FRAS1: variants seen among roughly 807,000 people sequenced by gnomAD.
FRAS1 encodes extracellular matrix organizing protein FRAS1.
A neutral mutation model predicts 435.2 loss-of-function variants in FRAS1; 290 were observed. The observed-to-expected ratio is 0.67, with a 90% CI of 0.61 to 0.73. The LOEUF is 0.73. Among genes scored for constraint, FRAS1 ranks in the 30% least tolerant of loss-of-function variants. The probability of loss-of-function intolerance (pLI) is 0.00; values close to 1 mark genes in which losing one functional copy is unlikely to be tolerated. For missense variants in FRAS1, 4,860 were observed against 5,001.5 expected (o/e 0.97, Z 0.85); for synonymous variants, 1,800 against 1,851.0 (o/e 0.97, Z 0.71).
In FRAS1 at chr4:78,085,129, G is replaced by A. The variant is rs567637002; in HGVS notation, c.108+19113G>A. Reference sequence around the variant, plus strand: ...TGTTTTTAGAATGTCTTTTGTCTAAGGATAGATAGTCAAATTTCTGTGTTT... The same window carrying A: ...TGTTTTTAGAATGTCTTTTGTCTAAAGATAGATAGTCAAATTTCTGTGTTT... On this transcript the variant is annotated intron_variant, in intron 2 of 73. Coordinates refer to ENST00000512123, the MANE Select transcript of FRAS1 (RefSeq NM_025074.7). Among the ~76,000 whole-genome samples the A allele has an allele frequency of 2.6e-5, 4 of 152,150 alleles. No homozygotes were observed. The East Asian group carries it at 7.7e-4, about 29-fold the overall frequency.
At chr4:78,325,330 C>T (rs1420409412) in intron 18 of FRAS1, among the ~76,000 whole-genome samples, 1 of 152,178 alleles carries the variant, frequency 6.6e-6, no homozygotes, top group Non-Finnish European at 1.5e-5. Flanking sequence ...AGAAATAAAG[C>T]ATGCTCTGTG....
intron 30 of FRAS1, among the ~76,000 whole-genome samples, chr4:78,407,121 T>C (rs1230480252): frequency 6.6e-6 from 1 of 152,230 alleles, no homozygotes; most frequent in Non-Finnish European, 1.5e-5. Flanking sequence ...TATGCAAATA[T>C]TCAAAAATAG....
At chr4:78,489,146 T>C in intron 59 of FRAS1, 66 bp downstream of exon 59, 2 of 1,461,890 alleles carry the variant, frequency 1.4e-6, no homozygotes, top group Non-Finnish European at 9.3e-7. Flanking sequence ...TGTAATGAAG[T>C]CATTTATATA....
intron 54 of FRAS1, among the ~76,000 whole-genome samples, chr4:78,476,519 G>A (rs1719857842): frequency 6.6e-6 from 1 of 152,142 alleles, no homozygotes; most frequent in South Asian, 2.1e-4. Context: ...ACAGATCTCT[G>A]TAAAGAGAAG....
intron 2 of FRAS1, among the ~76,000 whole-genome samples, chr4:78,101,018 G>A (rs1294257281): frequency 6.6e-6 from 1 of 152,160 alleles, no homozygotes; most frequent in East Asian, 1.9e-4. Flanking sequence ...TGTGGGGTGG[G>A]ATGGTATGGA....
At chr4:78,239,817 T>G (rs1177139516) in intron 3 of FRAS1, among the ~76,000 whole-genome samples, 1 of 152,182 alleles carries the variant, frequency 6.6e-6, no homozygotes, top group Non-Finnish European at 1.5e-5. Flanking sequence ...TATATACATA[T>G]ATGTATACAT....
intron 2 of FRAS1, among the ~76,000 whole-genome samples, chr4:78,141,828 T>C (rs1720198981): frequency 6.6e-6 from 1 of 152,210 alleles, no homozygotes; most frequent in Admixed American, 6.5e-5. Context: ...ATTAACAGCA[T>C]TTTTAGTGAC....
intron 21 of FRAS1, 97 bp downstream of exon 21, chr4:78,363,762 G>T (rs1364661005): frequency 3.0e-5 from 43 of 1,439,726 alleles, no homozygotes; most frequent in African/African-American, 4.2e-5. Flanking sequence ...GAGAGTGGAG[G>T]CAGGAAGTGT....
chr4:78,384,881 C>T (rs989760677), intron 28 of FRAS1, among the ~76,000 whole-genome samples: 1 of 143,226 alleles, frequency 7.0e-6, no homozygotes, highest in African/African-American at 2.7e-5. Flanking sequence ...GTGCCCCAGC[C>T]TGAGCAACAC....
At chr4:78,450,672 A>G (rs1432340916) in intron 45 of FRAS1, among the ~76,000 whole-genome samples, 1 of 152,124 alleles carries the variant, frequency 6.6e-6, no homozygotes, top group Non-Finnish European at 1.5e-5. Context: ...GGATGGATTA[A>G]GGTGAAAATT....
intron 2 of FRAS1, among the ~76,000 whole-genome samples, chr4:78,134,910 A>T (rs188085073): frequency 1.5e-4 from 23 of 152,314 alleles, no homozygotes; most frequent in Admixed American, 6.5e-4. Context: ...TTGAACCCTC[A>T]TGCCTGACTA....
chr4:78,344,521 A>C (rs533104339), intron 20 of FRAS1, among the ~76,000 whole-genome samples: 3 of 131,486 alleles, frequency 2.3e-5, no homozygotes, highest in South Asian at 2.3e-4. Context: ...ATTCCAGAGT[A>C]CTCAACCATT....
chr4:78,496,764 C>G, intron 59 of FRAS1, 41 bp from the exon 60 acceptor site: 3 of 1,559,376 alleles, frequency 1.9e-6, no homozygotes, highest in Non-Finnish European at 2.6e-6. Flanking sequence ...TCACTGATAT[C>G]TTGCTGAAAA....
chr4:78,536,951 T>C (rs1311281919), intron 71 of FRAS1, 44 bp from the exon 72 acceptor site: 40 of 1,530,204 alleles, frequency 2.6e-5, no homozygotes, highest in Non-Finnish European at 3.5e-5. Context: ...TGTTTTTCTT[T>C]CATCTTAAAG....
At chr4:78,180,433 TA>T (rs1315027879) in intron 2 of FRAS1, among the ~76,000 whole-genome samples, 3 of 152,270 alleles carry the variant, frequency 2.0e-5, no homozygotes, top group Non-Finnish European at 2.9e-5. Context: ...GCAAAGCATG[TA>T]TTAAAGCCAG....
In FRAS1 at chr4:78,338,785, G is replaced by A. The variant is rs113664586; in HGVS notation, c.2422+968G>A. Among the ~76,000 whole-genome samples, 113 of 152,330 alleles carry A rather than the reference G, an allele frequency of 7.4e-4. 1 individual carries two copies. Among genetic ancestry groups the A allele is most frequent in the Middle Eastern group, 3.4e-3 (1 of 294 alleles). ...GATGGCGCTGACATCTCGGCTGTTC[G>A]GTCTGGTGGATTGAGGGTGGGGCGG... On this transcript the variant is annotated intron_variant, in intron 20 of 73. Transcript: ENST00000512123.
intron 41 of FRAS1, 44 bp from the exon 42 acceptor site, chr4:78,445,478 A>T: frequency 6.7e-7 from 1 of 1,488,582 alleles, no homozygotes; most frequent in East Asian, 2.3e-5. Context: ...AGTAAGCAGG[A>T]ATTGATAGAT....
chr4:78,076,585 C>T (rs954489803), intron 2 of FRAS1, among the ~76,000 whole-genome samples: 10 of 152,120 alleles, frequency 6.6e-5, no homozygotes, highest in African/African-American at 2.4e-4. Context: ...TTATTGTTTG[C>T]TTCTAGGATT....
intron 27 of FRAS1, among the ~76,000 whole-genome samples, chr4:78,380,510 A>G (rs1443206071): frequency 6.6e-6 from 1 of 152,222 alleles, no homozygotes; most frequent in Non-Finnish European, 1.5e-5. Flanking sequence ...CCTGATGCTT[A>G]GCACACTTCT....
Sources: gnomAD v4.1 joint callset for allele counts (sites outside exome capture counted in the v4.1 genomes callset) on GRCh38, gnomAD v4.1.1 for gene constraint, MANE v1.5 for transcripts, NCBI Gene and HGNC (gene_info 2026-07-23, HGNC 2026-07-21) for gene names.